Variants in CRHR1 observed in about 807,000 individuals in gnomAD.
CRHR1 encodes corticotropin-releasing hormone receptor 1.
CRHR1 carries 28 observed loss-of-function variants against 56.0 expected under a neutral mutation model. The ratio of observed to expected loss-of-function variants is 0.50; its 90% CI spans 0.37 to 0.69. CRHR1 has a LOEUF of 0.69. Among genes scored for constraint, CRHR1 ranks in the 30% least tolerant of loss-of-function variants. The probability of loss-of-function intolerance (pLI) is 0.00; values close to 1 mark genes in which losing one functional copy is unlikely to be tolerated. For synonymous variants in CRHR1, 195 were observed against 216.5 expected (o/e 0.90, Z 0.87); for missense variants, 376 against 548.0 (o/e 0.69, Z 3.13).
chr17:45,784,672 C>A lies in CRHR1; in HGVS notation c.33+95C>A. The stretch of plus-strand genomic sequence containing the variant: ...GCTGTGGGTGTGATGGGGGCGGGGG[C>A]GCTGGGAGAGCCGTGCTTAGGTCGG... On this transcript the variant is annotated intron_variant, in intron 1 of 12. Coordinates refer to ENST00000314537, the MANE Select transcript of CRHR1 (RefSeq NM_004382.5). This position sits in a 1 kb window ranked among gnomAD's most constrained non-coding sequence, Gnocchi z 4.2. 1 of 1,288,678 alleles carries A rather than the reference C, an allele frequency of 7.8e-7. No homozygotes were observed. 79.8% of individuals were successfully genotyped at this position (1,288,678 alleles called of 1,614,324 possible).
At chr17:45,793,763 G>C (rs2061468577) in intron 1 of CRHR1, among the ~76,000 whole-genome samples, 1 of 152,212 alleles carries the variant, frequency 6.6e-6, no homozygotes, top group African/African-American at 2.4e-5. Context: ...CCCTAAAGCT[G>C]ACAGGGCAGG....
At chr17:45,832,399 G>C (rs759664375) in intron 8 of CRHR1, among the ~76,000 whole-genome samples, 26 of 152,298 alleles carry the variant, frequency 1.7e-4, no homozygotes, top group African/African-American at 5.8e-4. Flanking sequence ...GACTGGACCC[G>C]GCCCTCAGAA....
At chr17:45,834,394 C>T (rs777342510) in intron 12 of CRHR1, among the ~76,000 whole-genome samples, 20 of 152,182 alleles carry the variant, frequency 1.3e-4, no homozygotes, top group Non-Finnish European at 2.2e-4. Flanking sequence ...ATGGTGCCTT[C>T]GTGTGGGTTA....
chr17:45,802,320 C>T (rs2146294180), intron 1 of CRHR1, among the ~76,000 whole-genome samples: 1 of 152,198 alleles, frequency 6.6e-6, no homozygotes, highest in South Asian at 2.1e-4. Context: ...GCAAGACTGT[C>T]TCAAAAAACA....
At chr17:45,789,514 G>A (rs536535152) in intron 1 of CRHR1, among the ~76,000 whole-genome samples, 2 of 152,118 alleles carry the variant, frequency 1.3e-5, no homozygotes, top group African/African-American at 4.8e-5. Context: ...TGGGACTATA[G>A]GTGTGCATCA....
At chr17:45,822,007 C>T (rs2062052615) in intron 4 of CRHR1, among the ~76,000 whole-genome samples, 1 of 152,034 alleles carries the variant, frequency 6.6e-6, no homozygotes, top group Non-Finnish European at 1.5e-5. Flanking sequence ...TGGATTCCCT[C>T]CCAGAGGCAA....
At chr17:45,831,465 A>C (rs1052504682) in intron 8 of CRHR1, among the ~76,000 whole-genome samples, 1 of 152,222 alleles carries the variant, frequency 6.6e-6, no homozygotes, top group Non-Finnish European at 1.5e-5. Context: ...CCAGCTCTGA[A>C]GTTCTTTGGT....
At chr17:45,810,464 A>G (rs1309721188) in intron 2 of CRHR1, among the ~76,000 whole-genome samples, 3 of 150,880 alleles carry the variant, frequency 2.0e-5, no homozygotes, top group Non-Finnish European at 4.5e-5. Flanking sequence ...GCCCAAACAC[A>G]CTAAGCAGTT....
chr17:45,809,161 G>C (rs879353310), intron 2 of CRHR1, among the ~76,000 whole-genome samples: 7 of 152,216 alleles, frequency 4.6e-5, no homozygotes, highest in Non-Finnish European at 1.0e-4. Context: ...AGGACCAGTA[G>C]GTGGGTTTGG....
chr17:45,786,893 GGCCTCCCAAAGT>G (rs1176318909), intron 1 of CRHR1, among the ~76,000 whole-genome samples: 1 of 151,992 alleles, frequency 6.6e-6, no homozygotes, highest in East Asian at 1.9e-4. Flanking sequence ...AGCCAGCCTC[GGCCTCCCAAAGT>G]GCTAGGATTA....
chr17:45,796,390 G>A (rs559031381), intron 1 of CRHR1, among the ~76,000 whole-genome samples: 14 of 152,308 alleles, frequency 9.2e-5, no homozygotes, highest in South Asian at 8.3e-4. Context: ...CCGCCCCCTC[G>A]TTCCCACTGC....
At chr17:45,795,984 G>A (rs369914833) in intron 1 of CRHR1, among the ~76,000 whole-genome samples, 16 of 152,302 alleles carry the variant, frequency 1.1e-4, no homozygotes, top group Middle Eastern at 3.4e-3. Context: ...AAAGCCTTTA[G>A]CATTTTTAAA....
At chr17:45,789,125 C>G (rs550098441) in intron 1 of CRHR1, among the ~76,000 whole-genome samples, 1 of 152,272 alleles carries the variant, frequency 6.6e-6, no homozygotes, top group African/African-American at 2.4e-5. Context: ...TGGAGGAGGG[C>G]AGGTCACTAA....
chr17:45,785,522 G>A (rs888530337), intron 1 of CRHR1, among the ~76,000 whole-genome samples: 2 of 152,238 alleles, frequency 1.3e-5, no homozygotes, highest in African/African-American at 4.8e-5. Context: ...GCGCCAGTCT[G>A]GGCATCGCCT....
At chr17:45,830,388 A>T (rs766404309) in intron 6 of CRHR1, 29 bp from the exon 7 acceptor site, 1 of 1,591,920 alleles carries the variant, frequency 6.3e-7, no homozygotes, top group East Asian at 2.2e-5. Flanking sequence ...GCCCCCCATC[A>T]TCATCTCTGG....
At chr17:45,797,277 T>C (rs959617106) in intron 1 of CRHR1, among the ~76,000 whole-genome samples, 1 of 147,616 alleles carries the variant, frequency 6.8e-6, no homozygotes. Context: ...TTCTTTTTCT[T>C]TCTTTCTTTT....
chr17:45,829,316 G>T lies in CRHR1; in HGVS notation c.429G>T (p.Arg143=). 6.2e-7 allele frequency: 1 copy of T among 1,613,232 alleles called. No individual in the cohort carries two copies. The highest frequency in any genetic ancestry group is 8.5e-7 in the Non-Finnish European group (1 of 1,179,538). The change falls in exon 5 of 13, where the codon CGG becomes CGT. Residue 143 remains arginine (R), a synonymous_variant. Coordinates refer to ENST00000314537, the MANE Select transcript of CRHR1 (RefSeq NM_004382.5). ...ALLVAFVLFL[R]LRSIRCLRNI... Reference sequence around the variant, plus strand: ...TGGTGGCCTTTGTCCTCTTTCTGCGGCTCAGGTGAGAAGACCCCAGCACTG... The same window carrying T: ...TGGTGGCCTTTGTCCTCTTTCTGCGTCTCAGGTGAGAAGACCCCAGCACTG...
chr17:45,787,447 G>A (rs562974014), intron 1 of CRHR1, among the ~76,000 whole-genome samples: 9 of 152,344 alleles, frequency 5.9e-5, no homozygotes, highest in African/African-American at 1.9e-4. Context: ...CCAGGAGGGA[G>A]CTGGCTATTG....
intron 1 of CRHR1, among the ~76,000 whole-genome samples, chr17:45,786,039 C>G (rs533376567): frequency 2.1e-4 from 32 of 152,010 alleles, no homozygotes; most frequent in Admixed American, 6.6e-4. Context: ...TCGCGTGTAC[C>G]GAAGCCTGGT....
Sources: allele counts gnomAD v4.1 joint callset (sites outside exome capture counted in the v4.1 genomes callset), GRCh38; gene constraint gnomAD v4.1.1; non-coding constraint Gnocchi (gnomAD v3.1); transcripts MANE v1.5; gene names NCBI Gene and HGNC (gene_info 2026-07-23, HGNC 2026-07-21).